NEK1: variants seen among roughly 807,000 people sequenced by gnomAD.
The protein encoded by NEK1 is NIMA related kinase 1, also known as serine/threonine-protein kinase Nek1.
In NEK1, 137 loss-of-function variants were observed where a neutral mutation model predicts 182.1. The ratio of observed to expected loss-of-function variants is 0.75; its 90% CI spans 0.65 to 0.87. The LOEUF (loss-of-function observed/expected upper bound fraction) is 0.87, where lower values mean the gene tolerates loss of function less well. NEK1 is among the 40% of genes least tolerant of loss of function. The pLI is 0.00. For synonymous variants in NEK1, 513 were observed against 492.2 expected (o/e 1.04, Z -0.56); for missense variants, 1,391 against 1,494.4 (o/e 0.93, Z 1.14).
At chr4:169,418,947 T>C (rs923745045) in intron 31 of NEK1, among the ~76,000 whole-genome samples, 2 of 152,012 alleles carry the variant, frequency 1.3e-5, no homozygotes, top group Admixed American at 1.3e-4. Flanking sequence ...ATATACAGCA[T>C]TGGTCCCATA....
chr4:169,610,780 C>G (rs978495734), intron 2 of NEK1, among the ~76,000 whole-genome samples: 1 of 152,218 alleles, frequency 6.6e-6, no homozygotes, highest in African/African-American at 2.4e-5. Context: ...TTCAGATATT[C>G]TATAGACAGG....
chr4:169,515,475 T>C (rs977043682), intron 19 of NEK1, among the ~76,000 whole-genome samples: 1 of 151,498 alleles, frequency 6.6e-6, no homozygotes, highest in Non-Finnish European at 1.5e-5. Context: ...ATTTGGTGTA[T>C]ACATATTTAG....
intron 11 of NEK1, among the ~76,000 whole-genome samples, chr4:169,578,516 A>G (rs886892407): frequency 3.8e-4 from 58 of 152,210 alleles, no homozygotes; most frequent in African/African-American, 1.2e-3. Context: ...GACTAAACTC[A>G]GTTCTTCAAA....
chr4:169,421,364 A>T (rs141544760), intron 31 of NEK1, among the ~76,000 whole-genome samples: 150 of 152,308 alleles, frequency 9.8e-4, no homozygotes, highest in African/African-American at 3.5e-3. Flanking sequence ...AAATACATAA[A>T]ATAAAAACTG....
intron 12 of NEK1, among the ~76,000 whole-genome samples, chr4:169,569,300 A>G (rs1394582376): frequency 2.0e-5 from 3 of 152,216 alleles, no homozygotes; most frequent in African/African-American, 7.2e-5. Context: ...TGGATACATA[A>G]TAATTGTACA....
In NEK1 at chr4:169,450,836, T is replaced by C. The variant is rs1236294297; in HGVS notation, c.2587+12407A>G. Among the ~76,000 whole-genome samples, 31 of 152,158 alleles carry C rather than the reference T, an allele frequency of 2.0e-4. 1 individual carries two copies. Among genetic ancestry groups the C allele is most frequent in the Admixed American group, 2.0e-3 (31 of 15,274 alleles). On this transcript the variant is annotated intron_variant, in intron 27 of 35. Transcript: ENST00000507142. ...TAACCTTAAATATAAATGGGCTAAA[T>C]GCCCCAATTAAAAGACACAGACTGG...
intron 12 of NEK1, among the ~76,000 whole-genome samples, chr4:169,574,348 C>A (rs1019043891): frequency 6.6e-6 from 1 of 152,114 alleles, no homozygotes; most frequent in Non-Finnish European, 1.5e-5. Flanking sequence ...GTAATCCCAG[C>A]GCTTTGGGAG....
chr4:169,490,549 T>C (rs1287295640), intron 23 of NEK1, among the ~76,000 whole-genome samples: 1 of 151,992 alleles, frequency 6.6e-6, no homozygotes, highest in Non-Finnish European at 1.5e-5. Context: ...CTCAGGGATA[T>C]ACAAGAGGAT....
chr4:169,492,375 A>T (rs1390613929), intron 23 of NEK1, among the ~76,000 whole-genome samples: 1 of 152,202 alleles, frequency 6.6e-6, no homozygotes, highest in Non-Finnish European at 1.5e-5. Flanking sequence ...GTGGAGAGAA[A>T]GAAAGCAGCA....
chr4:169,534,091 G>T (rs1758082575), intron 19 of NEK1, among the ~76,000 whole-genome samples: 1 of 152,208 alleles, frequency 6.6e-6, no homozygotes, highest in South Asian at 2.1e-4. Flanking sequence ...AACCTTTAAA[G>T]TTCTATGGAA....
chr4:169,540,335 G>A (rs1016543624), intron 18 of NEK1, among the ~76,000 whole-genome samples: 1 of 152,036 alleles, frequency 6.6e-6, no homozygotes, highest in African/African-American at 2.4e-5. Flanking sequence ...TAGAATAAAA[G>A]ACAAAATCAA....
chr4:169,557,309 A>G (rs1042378617), intron 16 of NEK1, among the ~76,000 whole-genome samples: 2 of 152,334 alleles, frequency 1.3e-5, no homozygotes, highest in Admixed American at 6.5e-5. Flanking sequence ...CCGAGACATA[A>G]GAACTCAACC....
chr4:169,468,271 A>T (rs1462792458), intron 26 of NEK1, among the ~76,000 whole-genome samples: 1 of 151,724 alleles, frequency 6.6e-6, no homozygotes, highest in Non-Finnish European at 1.5e-5. Flanking sequence ...TAGAACAGGA[A>T]CATTTAATCT....
At chr4:169,553,331 A>G (rs1377537952) in intron 18 of NEK1, among the ~76,000 whole-genome samples, 1 of 152,220 alleles carries the variant, frequency 6.6e-6, no homozygotes, top group African/African-American at 2.4e-5. Flanking sequence ...ATCTAGACAC[A>G]GACCTTATAT....
At chr4:169,568,619 A>C (rs1006402304) in intron 12 of NEK1, among the ~76,000 whole-genome samples, 2 of 152,210 alleles carry the variant, frequency 1.3e-5, no homozygotes, top group African/African-American at 4.8e-5. Context: ...CTATATTAAA[A>C]ATACGGGCAA....
chr4:169,523,904 G>A (rs1424894810), intron 19 of NEK1, among the ~76,000 whole-genome samples: 1 of 152,156 alleles, frequency 6.6e-6, no homozygotes, highest in Non-Finnish European at 1.5e-5. Flanking sequence ...TGCACATTTT[G>A]TAAGGTAGGT....
intron 18 of NEK1, among the ~76,000 whole-genome samples, chr4:169,552,650 C>T (rs1193131597): frequency 1.3e-5 from 2 of 152,034 alleles, no homozygotes. Flanking sequence ...AGAAATATAA[C>T]TGTCTTTGTT....
chr4:169,495,363 C>T (rs1382444185), intron 23 of NEK1, among the ~76,000 whole-genome samples: 2 of 151,518 alleles, frequency 1.3e-5, no homozygotes, highest in African/African-American at 2.4e-5. Flanking sequence ...CCTGCCTCAG[C>T]CTCCCGTGTA....
chr4:169,414,045 C>A (rs1187839554), intron 31 of NEK1, among the ~76,000 whole-genome samples: 1 of 152,070 alleles, frequency 6.6e-6, no homozygotes, highest in Non-Finnish European at 1.5e-5. Flanking sequence ...CACATAGGGT[C>A]ACTGTGAGAA....
Sources: gnomAD v4.1 joint callset for allele counts (sites outside exome capture counted in the v4.1 genomes callset) on GRCh38, gnomAD v4.1.1 for gene constraint, MANE v1.5 for transcripts, NCBI Gene and HGNC (gene_info 2026-07-23, HGNC 2026-07-21) for gene names.